ARL10: variants seen among roughly 807,000 people sequenced by gnomAD.
ARL10 encodes the protein ARF like GTPase 10.
Under a neutral mutation model 26.1 loss-of-function variants are expected in ARL10, and 23 were observed. The ratio of observed to expected loss-of-function variants is 0.88; its 90% CI spans 0.63 to 1.25. The LOEUF (loss-of-function observed/expected upper bound fraction) is 1.25. Among genes scored for constraint, ARL10 ranks in the 50% most tolerant of loss-of-function variants. The pLI, the probability that ARL10 is intolerant of heterozygous loss-of-function variation, is 0.00. For missense variants in ARL10, 300 were observed against 323.6 expected, an observed-to-expected ratio of 0.93 and a Z score of 0.56; for synonymous variants, 138 against 149.1, an observed-to-expected ratio of 0.93 and a Z score of 0.54.
At chr5:176,404,752 T>C (rs1398552250), downstream of ARL10, among the ~76,000 whole-genome samples, 2 of 152,174 alleles carry the variant, frequency 1.3e-5, no homozygotes, top group Non-Finnish European at 2.9e-5. Flanking sequence ...GGCACGTCCC[T>C]TTGTGCAGCA....
At chr5:176,389,522 C>T, downstream of ARL10, 2 of 1,591,172 alleles carry the variant, frequency 1.3e-6, no homozygotes, top group African/African-American at 1.3e-5. Context: ...CTTGAAAGCT[C>T]CGCAGAAATG....
chr5:176,383,414 C>T (rs778302503), downstream of ARL10, among the ~76,000 whole-genome samples: 3 of 152,244 alleles, frequency 2.0e-5, no homozygotes, highest in Non-Finnish European at 2.9e-5. Flanking sequence ...CCTCATGCCA[C>T]CGAATCAGGC....
chr5:176,390,453 C>T (rs1429348213), downstream of ARL10, among the ~76,000 whole-genome samples: 1 of 151,934 alleles, frequency 6.6e-6, no homozygotes, highest in African/African-American at 2.4e-5. Context: ...TTTTTTGAGA[C>T]GAGTCTCACT....
chr5:176,403,604 C>A (rs970469279), downstream of ARL10, among the ~76,000 whole-genome samples: 1 of 151,990 alleles, frequency 6.6e-6, no homozygotes, highest in African/African-American at 2.4e-5. Flanking sequence ...CAGGCGCCCA[C>A]GACCACGCCT....
rs1755557085 is a variant in ARL10 at position 176,381,759 on chromosome 5, A to G, written c.*9864A>G. On this transcript the variant is annotated 3_prime_UTR_variant, in exon 4 of 4. Transcript: ENST00000310389. Reference sequence around the variant, plus strand: ...CTTTAGGCCAAACTTAACAAAGGTCACCTTTGGAACCAGCACTAATTGTTG... The same window carrying G: ...CTTTAGGCCAAACTTAACAAAGGTCGCCTTTGGAACCAGCACTAATTGTTG... 6.6e-6 allele frequency: 1 copy of G among 152,218 alleles called. No individual in the cohort carries two copies. 9.4% of individuals were successfully genotyped at this position (152,218 alleles called of 1,614,324 possible). A position where few individuals can be genotyped will look rare whatever the true frequency, so the allele number is the denominator to read the frequency against.
chr5:176,384,084 G>A (rs565193374), downstream of ARL10: 84 of 1,597,052 alleles, frequency 5.3e-5, no homozygotes, highest in Middle Eastern at 3.3e-4. Context: ...AGAGCGGGGA[G>A]TGTGCACGTG....
chr5:176,406,708 G>T, downstream of ARL10: 2 of 1,285,912 alleles, frequency 1.6e-6, no homozygotes, highest in Non-Finnish European at 2.0e-6. Flanking sequence ...TGGTGCACGG[G>T]CTGCAGAAAA....
At chr5:176,412,400 C>T in the ARL10 span, among the ~76,000 whole-genome samples, 2 of 152,114 alleles carry the variant, frequency 1.3e-5, no homozygotes, top group Non-Finnish European at 2.9e-5. Flanking sequence ...TACCAGGCTC[C>T]GTGTCCTATT....
At chr5:176,384,496 G>T, downstream of ARL10, 1 of 958,706 alleles carries the variant, frequency 1.0e-6, no homozygotes, top group Non-Finnish European at 1.6e-6. Flanking sequence ...GACCTCAAAG[G>T]CTGTGGTGCA....
downstream of ARL10, among the ~76,000 whole-genome samples, chr5:176,390,963 T>C (rs1215307534): frequency 6.6e-6 from 1 of 152,196 alleles, no homozygotes; most frequent in African/African-American, 2.4e-5. Context: ...ATTCCTGGTC[T>C]GTGGTCAGCG....
chr5:176,372,106 G>A lies in ARL10; in HGVS notation c.*211G>A. ...GTGAAGCCGAAGCAGGGAGGTGGGT[G>A]AGACAGAGGGTGGGGAGGATAGTGT... On this transcript the variant is annotated 3_prime_UTR_variant, in exon 4 of 4. Transcript: ENST00000310389. 1 of 1,413,218 alleles carries A rather than the reference G, an allele frequency of 7.1e-7. No homozygotes were observed. The allele number at this position is 1,413,218 out of a possible 1,614,324, so 87.5% of individuals were successfully genotyped here.
intron 2 of ARL10, among the ~76,000 whole-genome samples, chr5:176,367,002 C>CTTTT (rs67066126): frequency 2.8e-4 from 30 of 106,528 alleles, no homozygotes; most frequent in African/African-American, 6.8e-4. Context: ...CCTTTCTAGT[C>CTTTT]TTTTTTTTTT....
At chr5:176,385,406 C>T (rs897855922), downstream of ARL10, 11 of 841,886 alleles carry the variant, frequency 1.3e-5, no homozygotes, top group African/African-American at 1.0e-4. Context: ...ATCACCCCTT[C>T]ACCCACTCCC....
At chr5:176,388,290 G>C in intron 1 of ARL10, 1 of 1,614,176 alleles carries the variant, frequency 6.2e-7, no homozygotes, top group Non-Finnish European at 8.5e-7. Context: ...CCCCATCTCG[G>C]CCAGGTTCTG....
At chr5:176,410,079 T>C in the ARL10 span, among the ~76,000 whole-genome samples, 1 of 152,224 alleles carries the variant, frequency 6.6e-6, no homozygotes, top group East Asian at 1.9e-4. Context: ...CTTATTCTTC[T>C]TCCCTGCCCT....
At chr5:176,408,771 T>C in the ARL10 span, among the ~76,000 whole-genome samples, 1 of 152,236 alleles carries the variant, frequency 6.6e-6, no homozygotes, top group Non-Finnish European at 1.5e-5. Flanking sequence ...TCTTCTCACT[T>C]TGGCCTCCCA....
At chr5:176,388,806 G>C (rs775173011), downstream of ARL10, 5 of 1,611,204 alleles carry the variant, frequency 3.1e-6, no homozygotes, top group Admixed American at 8.4e-5. Flanking sequence ...TTCTCCTGCT[G>C]CTGTGGCCCG....
intron 3 of ARL10, among the ~76,000 whole-genome samples, chr5:176,369,590 T>C (rs1213923149): frequency 6.6e-6 from 1 of 152,172 alleles, no homozygotes; most frequent in Non-Finnish European, 1.5e-5. Context: ...CTATAAAGTA[T>C]GGGATGCTAT....
rs1581397627 is a variant in ARL10 at position 176,375,292 on chromosome 5, CCATCCATCCATCCAT to C, written c.*3399_*3413del. 1.8e-4 allele frequency: 9 copies of C among 48,978 alleles called. No homozygotes were observed. In the East Asian group the frequency reaches 3.4e-3, roughly 19 times the overall value. The allele number at this position is 48,978 out of a possible 1,614,324, so 3.0% of individuals were successfully genotyped here. A position where few individuals can be genotyped will look rare whatever the true frequency, so the allele number is the denominator to read the frequency against. ...TCCACCCATCCATCCATCCACCCAT[CCATCCATCCATCCAT>C]CCATCCATCCATCCATCCATCCATC... On this transcript the variant is annotated 3_prime_UTR_variant, in exon 4 of 4. Coordinates refer to ENST00000310389, the MANE Select transcript of ARL10 (RefSeq NM_173664.6).
Sources: allele counts gnomAD v4.1 joint callset (sites outside exome capture counted in the v4.1 genomes callset), GRCh38; gene constraint gnomAD v4.1.1; transcripts MANE v1.5; gene names NCBI Gene and HGNC (gene_info 2026-07-23, HGNC 2026-07-21).